The following DNAJC6 variants were observed in gnomAD, a reference collection of about 807,000 sequenced individuals.
DNAJC6 encodes DnaJ heat shock protein family (Hsp40) member C6, also known as auxilin.
In DNAJC6, 34 loss-of-function variants were observed where a neutral mutation model predicts 110.0. That is an observed-to-expected ratio of 0.31 (90% CI 0.24 to 0.41). The LOEUF is 0.41. Among genes scored for constraint, DNAJC6 ranks in the 10% least tolerant of loss-of-function variants. DNAJC6 has a pLI of 1.00. For synonymous variants in DNAJC6, 406 were observed against 437.2 expected, an observed-to-expected ratio of 0.93 and a Z score of 0.89; for missense variants, 1,031 against 1,207.8, an observed-to-expected ratio of 0.85 and a Z score of 2.17.
intron 2 of DNAJC6, among the ~76,000 whole-genome samples, chr1:65,365,523 A>G (rs1266344312): frequency 2.6e-5 from 4 of 152,228 alleles, no homozygotes; most frequent in Middle Eastern, 3.4e-3. Flanking sequence ...TTTCTCAACC[A>G]CTTCTTCCCC....
At chr1:65,308,474 T>C (rs931189011), upstream of DNAJC6, among the ~76,000 whole-genome samples, 1 of 152,218 alleles carries the variant, frequency 6.6e-6, no homozygotes, top group Admixed American at 6.5e-5. Context: ...AAACATTCGA[T>C]AATTACATTT....
intron 4 of DNAJC6, among the ~76,000 whole-genome samples, chr1:65,376,751 T>TTTTA (rs3054307): frequency 0.25 from 37,208 of 150,330 alleles, 8,087 homozygotes; most frequent in East Asian, 0.61. Context: ...ATGATTTCTA[T>TTTTA]TTTATTTATT....
chr1:65,346,054 G>T (rs1200885867), intron 1 of DNAJC6, among the ~76,000 whole-genome samples: 2 of 152,048 alleles, frequency 1.3e-5, no homozygotes, highest in African/African-American at 4.8e-5. Context: ...TGGGTTTTTT[G>T]GGTTTTCTCC....
At chr1:65,302,133 ATATAATACGTAT>A (rs1644989759) in intron 1 of DNAJC6, among the ~76,000 whole-genome samples, 1 of 139,950 alleles carries the variant, frequency 7.1e-6, no homozygotes, top group Non-Finnish European at 1.5e-5. Context: ...TAAAAAATAT[ATATAATACGTAT>A]TATATATATT....
At chr1:65,382,266 T>C (rs575337180) in intron 5 of DNAJC6, among the ~76,000 whole-genome samples, 19 of 152,282 alleles carry the variant, frequency 1.2e-4, no homozygotes, top group African/African-American at 4.6e-4. Flanking sequence ...CTGCAAGATA[T>C]TTCTTAGTTT....
Position 65,386,828 on chromosome 1 carries a change from G to C in DNAJC6, c.1012G>C (p.Asp338His). 6.2e-7 allele frequency: 1 copy of C among 1,614,154 alleles called. No individual in the cohort carries two copies. Among genetic ancestry groups the C allele is most frequent in the Non-Finnish European group, 8.5e-7 (1 of 1,179,996 alleles). The change falls in exon 8 of 19, where the codon GAT becomes CAT. Residue 338 changes from aspartate (D) to histidine (H), a missense_variant. Coordinates refer to ENST00000371069, the MANE Select transcript of DNAJC6 (RefSeq NM_001256864.2). ...TGTTTACAGAGAATATCGTGTCCAAGATGGAAAAATCTTCATTCCCTTGAA... is the reference window on the plus strand; with the variant it reads ...TGTTTACAGAGAATATCGTGTCCAACATGGAAAAATCTTCATTCCCTTGAA... ...FERMKEYRVQ[D>H]GKIFIPLNIT...
chr1:65,267,862 C>T (rs1280489078), intron 1 of DNAJC6, among the ~76,000 whole-genome samples: 1 of 145,932 alleles, frequency 6.9e-6, no homozygotes, highest in African/African-American at 2.6e-5. Flanking sequence ...TGACAGAGAC[C>T]AGATAAGTGT....
In DNAJC6 at chr1:65,309,940, T is replaced by G. The variant is rs1041027397; in HGVS notation, c.193+2T>G. ...GCGCCAGCACCATGGACAGCTCAGG[T>G]AGCGCTGCCCGAGGGGAGTGCAGCG... On this transcript the variant is annotated splice_donor_variant, in intron 1 of 18. Coordinates refer to ENST00000371069, the MANE Select transcript of DNAJC6 (RefSeq NM_001256864.2). LOFTEE classifies it high-confidence loss of function. 8.2e-6 allele frequency: 12 copies of G among 1,459,684 alleles called. No individual in the cohort carries two copies. Among genetic ancestry groups the G allele is most frequent in the African/African-American group, 1.5e-5 (1 of 67,518 alleles). The allele number at this position is 1,459,684 out of a possible 1,614,324, so 90.4% of individuals were successfully genotyped here.
intron 1 of DNAJC6, among the ~76,000 whole-genome samples, chr1:65,313,476 G>T (rs1000479425): frequency 2.2e-4 from 33 of 152,196 alleles, no homozygotes; most frequent in African/African-American, 7.5e-4. Flanking sequence ...TTTGTATCTT[G>T]CCCTTTCAAT....
chr1:65,286,376 A>T (rs1381756744), intron 1 of DNAJC6, among the ~76,000 whole-genome samples: 1 of 152,082 alleles, frequency 6.6e-6, no homozygotes, highest in African/African-American at 2.4e-5. Context: ...CCTCCCGAGT[A>T]GCTGGGACTA....
intron 1 of DNAJC6, among the ~76,000 whole-genome samples, chr1:65,300,480 A>C (rs1276964439): frequency 6.6e-6 from 1 of 152,192 alleles, no homozygotes; most frequent in Non-Finnish European, 1.5e-5. Flanking sequence ...AGATTACAGA[A>C]AACTTGCATG....
intron 4 of DNAJC6, among the ~76,000 whole-genome samples, chr1:65,374,062 A>G (rs924430534): frequency 7.9e-5 from 12 of 152,178 alleles, no homozygotes; most frequent in African/African-American, 2.7e-4. Flanking sequence ...GTAAGTTCTT[A>G]GAATCTTTGT....
chr1:65,329,378 C>A (rs1645267679), intron 1 of DNAJC6, among the ~76,000 whole-genome samples: 1 of 152,074 alleles, frequency 6.6e-6, no homozygotes, highest in Admixed American at 6.5e-5. Context: ...ATTATAATAG[C>A]TTCAGCTCTG....
At chr1:65,297,573 T>G (rs1443060964) in intron 1 of DNAJC6, among the ~76,000 whole-genome samples, 1 of 152,166 alleles carries the variant, frequency 6.6e-6, no homozygotes. Flanking sequence ...ACTTAATGAC[T>G]CCATTTTGCT....
At chr1:65,390,123 C>G (rs1645912566) in intron 11 of DNAJC6, among the ~76,000 whole-genome samples, 1 of 152,174 alleles carries the variant, frequency 6.6e-6, no homozygotes, top group African/African-American at 2.4e-5. Context: ...TAGACTGATG[C>G]AAAAGGCCAT....
intron 1 of DNAJC6, among the ~76,000 whole-genome samples, chr1:65,292,313 C>T (rs546132662): frequency 4.7e-5 from 7 of 147,532 alleles, no homozygotes; most frequent in South Asian, 2.2e-4. Flanking sequence ...CCACCGCACC[C>T]GGCCTGGTTT....
At chr1:65,336,113 AG>A (rs1451749085) in intron 1 of DNAJC6, among the ~76,000 whole-genome samples, 5 of 152,196 alleles carry the variant, frequency 3.3e-5, no homozygotes, top group Non-Finnish European at 5.9e-5. Context: ...TAAAGGAAAG[AG>A]GTTTAATTGA....
At chr1:65,396,157 A>G (rs1031433701) in intron 13 of DNAJC6, among the ~76,000 whole-genome samples, 3 of 152,140 alleles carry the variant, frequency 2.0e-5, no homozygotes, top group Non-Finnish European at 4.4e-5. Flanking sequence ...ATCTCAAACT[A>G]TTTGAAGTGC....
chr1:65,277,586 T>C lies in DNAJC6; in HGVS notation c.-131+12654T>C, dbSNP rs952634124. 3.3e-5 allele frequency among the ~76,000 whole-genome samples: 5 copies of C among 152,040 alleles called. No homozygotes were observed. In the South Asian group the frequency reaches 8.3e-4, roughly 25 times the overall value. ...AAGTACAGGCTTCTGCCTTTAAGGG[T>C]ACTGCTTCACTTTTGGGGCAAAAAA... On this transcript the variant is annotated intron_variant, in intron 1 of 19. Coordinates refer to the DNAJC6 transcript ENST00000263441.
Sources: allele counts gnomAD v4.1 joint callset (sites outside exome capture counted in the v4.1 genomes callset), GRCh38; gene constraint gnomAD v4.1.1; transcripts MANE v1.5; gene names NCBI Gene and HGNC (gene_info 2026-07-23, HGNC 2026-07-21).